SND1: variants seen among roughly 807,000 people sequenced by gnomAD.
SND1 encodes staphylococcal nuclease and tudor domain containing 1.
SND1 carries 38 observed loss-of-function variants against 121.7 expected under a neutral mutation model. That is an observed-to-expected ratio of 0.31 (90% confidence interval 0.24 to 0.41). SND1 has a LOEUF of 0.41. Among genes scored for constraint, SND1 ranks in the 10% least tolerant of loss-of-function variants. SND1 has a pLI of 1.00. For synonymous variants in SND1, 401 were observed against 447.4 expected (o/e 0.90, Z 1.31); for missense variants, 868 against 1,184.6 (o/e 0.73, Z 3.92).
intron 12 of SND1, among the ~76,000 whole-genome samples, chr7:127,882,580 TTCC>T (rs1286024566): frequency 6.6e-6 from 1 of 152,058 alleles, no homozygotes; most frequent in African/African-American, 2.4e-5. Context: ...AGCTTTTGTC[TTCC>T]TCCTCTCAAT....
At chr7:127,724,480 G>A (rs768058256) in intron 10 of SND1, among the ~76,000 whole-genome samples, 1 of 152,186 alleles carries the variant, frequency 6.6e-6, no homozygotes, top group African/African-American at 2.4e-5. Flanking sequence ...AACATGTCCT[G>A]TGAACATCTT....
In SND1 at chr7:127,992,154, G is replaced by A. The variant is rs572101600; in HGVS notation, c.1779+1098G>A. 2.0e-5 allele frequency among the ~76,000 whole-genome samples: 3 copies of A among 152,274 alleles called. No homozygotes were observed. The South Asian group carries it at 6.2e-4, about 32-fold the overall frequency. Reference sequence around the variant, plus strand: ...GTTGGCTATCTGTACAATGATTGGGGGATTGGGGGGCTTAATTGTATCATC... The same window carrying A: ...GTTGGCTATCTGTACAATGATTGGGAGATTGGGGGGCTTAATTGTATCATC... On this transcript the variant is annotated intron_variant, in intron 16 of 23. Coordinates refer to ENST00000354725, the MANE Select transcript of SND1 (RefSeq NM_014390.4).
rs201323541 is a variant in SND1 at position 128,085,708 on chromosome 7, C to A, written c.2235-3C>A. Reference sequence around the variant, plus strand: ...TTGAGCTCTGCCCATGATGCCATTGCAGGTACCGTGCCCGAGTAGAGAAAG... The same window carrying A: ...TTGAGCTCTGCCCATGATGCCATTGAAGGTACCGTGCCCGAGTAGAGAAAG... On this transcript the variant is annotated splice_polypyrimidine_tract_variant and splice_region_variant and intron_variant, in intron 19 of 23. Transcript: ENST00000354725. This position sits in a 1 kb window ranked among gnomAD's most constrained non-coding sequence, Gnocchi z 4.4. The A allele has an allele frequency of 1.2e-6, 2 of 1,613,942 alleles. No homozygotes were observed. The highest frequency in any genetic ancestry group is 1.1e-5 in the South Asian group (1 of 91,082).
intron 15 of SND1, among the ~76,000 whole-genome samples, chr7:127,981,237 T>G (rs1168212944): frequency 6.6e-6 from 1 of 152,152 alleles, no homozygotes; most frequent in East Asian, 1.9e-4. Flanking sequence ...GGTATGAGGT[T>G]GTTGTTTTGG....
At position 128,085,722 on chromosome 7, in the gene SND1, G is replaced by A. The variant is rs749124353; in HGVS notation, c.2246G>A (p.Arg749Gln). ...KFVDGEWYRARVEKVESPAKI... is the reference protein window; with the variant it reads ...KFVDGEWYRAQVEKVESPAKI... ...TGATGCCATTGCAGGTACCGTGCCC[G>A]AGTAGAGAAAGTCGAGTCTCCTGCC... is the stretch of plus-strand genomic sequence containing the variant. Residue 749 changes from arginine to glutamine, a missense_variant, in exon 20 of 24, where the codon CGA becomes CAA. Transcript: ENST00000354725. This position sits in a 1 kb window ranked among gnomAD's most constrained non-coding sequence, Gnocchi z 4.4. 54 of 1,613,966 alleles carry A rather than the reference G, an allele frequency of 3.3e-5. No individual in the cohort carries two copies. Among genetic ancestry groups the A allele is most frequent in the African/African-American group, 2.1e-4 (16 of 74,918 alleles).
In SND1 at chr7:127,847,046, T is replaced by C. The variant is rs1361725858; in HGVS notation, c.1343+2622T>C. 2.0e-5 allele frequency among the ~76,000 whole-genome samples: 3 copies of C among 152,104 alleles called. No homozygotes were observed. In the East Asian group the frequency reaches 5.8e-4, roughly 29 times the overall value. On this transcript the variant is annotated intron_variant, in intron 12 of 23. Coordinates refer to ENST00000354725, the MANE Select transcript of SND1 (RefSeq NM_014390.4). ...ACTTTGGGAGGCCGAGGCGGTTGGA[T>C]CACCTGAGATCAGGAGTTTGAGAGT...
At chr7:127,737,961 T>G (rs1405192506) in intron 10 of SND1, among the ~76,000 whole-genome samples, 1 of 152,224 alleles carries the variant, frequency 6.6e-6, no homozygotes, top group East Asian at 1.9e-4. Context: ...ACAATTGAGC[T>G]GCTCATTTTT....
At chr7:128,062,820 G>A (rs1793252688) in intron 16 of SND1, among the ~76,000 whole-genome samples, 1 of 152,168 alleles carries the variant, frequency 6.6e-6, no homozygotes, top group Non-Finnish European at 1.5e-5. Flanking sequence ...ATTGAGCTAG[G>A]GGTTGGCATC....
intron 1 of SND1, among the ~76,000 whole-genome samples, chr7:127,672,673 A>G (rs1422543024): frequency 6.6e-6 from 1 of 152,104 alleles, no homozygotes; most frequent in African/African-American, 2.4e-5. Context: ...CCAACCGGCA[A>G]ACTCCCTTCA....
intron 15 of SND1, among the ~76,000 whole-genome samples, chr7:127,933,613 A>G (rs1383558560): frequency 6.6e-6 from 1 of 152,164 alleles, no homozygotes; most frequent in African/African-American, 2.4e-5. Flanking sequence ...CTGCCTCATG[A>G]TTGTCGCAGT....
chr7:128,032,415 G>A (rs1792653907), intron 16 of SND1, among the ~76,000 whole-genome samples: 1 of 151,678 alleles, frequency 6.6e-6, no homozygotes, highest in South Asian at 2.1e-4. Flanking sequence ...CGTCAAGTGA[G>A]GGGCCGCGCG....
At chr7:127,834,058 T>C (rs1490332156) in intron 11 of SND1, among the ~76,000 whole-genome samples, 1 of 152,200 alleles carries the variant, frequency 6.6e-6, no homozygotes, top group African/African-American at 2.4e-5. Flanking sequence ...TAACATTCTA[T>C]TGTATGTATC....
At chr7:127,881,605 C>G (rs998749048) in intron 12 of SND1, among the ~76,000 whole-genome samples, 9 of 152,112 alleles carry the variant, frequency 5.9e-5, no homozygotes, top group Non-Finnish European at 1.3e-4. Context: ...TATGCATTAC[C>G]TTTGGCTGTA....
intron 13 of SND1, chr7:127,904,334 G>A (rs1800291236): frequency 6.5e-6 from 1 of 155,020 alleles, no homozygotes; most frequent in African/African-American, 2.4e-5. Context: ...CATTAGAATT[G>A]GAACACTAGC....
At chr7:127,767,860 T>C (rs1797448471) in intron 10 of SND1, among the ~76,000 whole-genome samples, 1 of 152,206 alleles carries the variant, frequency 6.6e-6, no homozygotes, top group African/African-American at 2.4e-5. Context: ...GGTATATCAG[T>C]ACGCATGTTA....
chr7:127,838,528 G>A (rs145033601), intron 11 of SND1, among the ~76,000 whole-genome samples: 89 of 152,234 alleles, frequency 5.8e-4, no homozygotes, highest in African/African-American at 2.0e-3. Context: ...ATTTGAGATG[G>A]TTCACAACAC....
At chr7:127,824,793 A>G (rs1318514143) in intron 11 of SND1, among the ~76,000 whole-genome samples, 2 of 151,890 alleles carry the variant, frequency 1.3e-5, no homozygotes, top group Non-Finnish European at 2.9e-5. Context: ...GTTGTTTACC[A>G]TCCTGTTTTC....
intron 11 of SND1, among the ~76,000 whole-genome samples, chr7:127,826,986 G>T (rs1354919606): frequency 6.6e-6 from 1 of 152,176 alleles, no homozygotes; most frequent in East Asian, 1.9e-4. Flanking sequence ...TTTCCAGACT[G>T]AAGTTCAATC....
chr7:128,034,830 T>A (rs1173388116), intron 16 of SND1, among the ~76,000 whole-genome samples: 1 of 152,224 alleles, frequency 6.6e-6, no homozygotes, highest in African/African-American at 2.4e-5. Flanking sequence ...CACACAGCCC[T>A]TCTGAGCTGA....
Sources: allele counts gnomAD v4.1 joint callset (sites outside exome capture counted in the v4.1 genomes callset), GRCh38; gene constraint gnomAD v4.1.1; non-coding constraint Gnocchi (gnomAD v3.1); transcripts MANE v1.5; gene names NCBI Gene and HGNC (gene_info 2026-07-23, HGNC 2026-07-21).